The following CACNG4 variants were observed in gnomAD, a reference collection of about 807,000 sequenced individuals.
The protein encoded by CACNG4 is voltage-dependent calcium channel gamma-4 subunit.
Under a neutral mutation model 22.9 loss-of-function variants are expected in CACNG4, and 8 were observed. The ratio of observed to expected loss-of-function variants is 0.35; its 90% CI spans 0.21 to 0.63. The LOEUF (loss-of-function observed/expected upper bound fraction) is 0.63, where lower values mean the gene tolerates loss of function less well. CACNG4 is among the 30% of genes least tolerant of loss of function. CACNG4 has a pLI of 0.72. For missense variants in CACNG4, 357 were observed against 455.4 expected (o/e 0.78, Z 1.97); for synonymous variants, 188 against 191.9 (o/e 0.98, Z 0.17).
intron 1 of CACNG4, 113 bp downstream of exon 1, chr17:66,965,244 G>A: frequency 1.5e-6 from 1 of 663,846 alleles, no homozygotes; most frequent in South Asian, 2.3e-5. Context: ...ACTGCCCGGC[G>A]CGCGGGCCGG....
In CACNG4 at chr17:67,028,610, A is replaced by G. The variant is rs1251368952; in HGVS notation, c.446-1856A>G. ...AATGGATGGTAATTGAACTTACGTC[A>G]GGCGCCCTGTGTGCTGGGTGCTGTT... is the stretch of plus-strand genomic sequence containing the variant. On this transcript the variant is annotated intron_variant, in intron 3 of 3. Transcript: ENST00000262138. 2.0e-5 allele frequency among the ~76,000 whole-genome samples: 3 copies of G among 152,180 alleles called. No individual in the cohort carries two copies. In the East Asian group the frequency reaches 5.8e-4, roughly 29 times the overall value.
intron 2 of CACNG4, among the ~76,000 whole-genome samples, chr17:67,021,341 G>T (rs1365579350): frequency 6.6e-6 from 1 of 152,266 alleles, no homozygotes. Context: ...AGCTTCCATG[G>T]TGGGGCTGCC....
At chr17:67,006,972 C>T (rs1446245953) in intron 1 of CACNG4, among the ~76,000 whole-genome samples, 3 of 152,002 alleles carry the variant, frequency 2.0e-5, no homozygotes, top group East Asian at 1.9e-4. Flanking sequence ...GTCAGGAGTT[C>T]GAGACCAGCC....
intron 1 of CACNG4, among the ~76,000 whole-genome samples, chr17:67,004,533 GAA>G (rs1394967034): frequency 6.6e-6 from 1 of 152,088 alleles, no homozygotes; most frequent in African/African-American, 2.4e-5. Flanking sequence ...GGTCTCCAGG[GAA>G]CCCATGCTTA....
chr17:66,973,944 G>A (rs929739779), intron 1 of CACNG4, among the ~76,000 whole-genome samples: 4 of 152,204 alleles, frequency 2.6e-5, no homozygotes, highest in African/African-American at 4.8e-5. Context: ...GGCAGGACAT[G>A]GTACCAGACA....
chr17:66,997,689 C>G (rs536949053), intron 1 of CACNG4, among the ~76,000 whole-genome samples: 3 of 152,094 alleles, frequency 2.0e-5, no homozygotes, highest in African/African-American at 7.2e-5. Flanking sequence ...TGGTAGCACA[C>G]GGCTGTAATC....
intron 1 of CACNG4, among the ~76,000 whole-genome samples, chr17:67,009,502 G>T (rs969949796): frequency 2.8e-5 from 4 of 143,458 alleles, no homozygotes; most frequent in South Asian, 4.2e-4. Flanking sequence ...CTTTAAGAAG[G>T]GTACCTCCCT....
At chr17:66,970,217 G>A (rs2035195578) in intron 1 of CACNG4, among the ~76,000 whole-genome samples, 2 of 152,196 alleles carry the variant, frequency 1.3e-5, no homozygotes, top group African/African-American at 4.8e-5. Context: ...CACGGCCAAG[G>A]TGGAACATAG....
intron 1 of CACNG4, among the ~76,000 whole-genome samples, chr17:66,997,289 C>T (rs190258153): frequency 1.3e-5 from 2 of 152,200 alleles, no homozygotes; most frequent in Non-Finnish European, 2.9e-5. Flanking sequence ...CCAAGGTCGG[C>T]TGATGGATGA....
intron 1 of CACNG4, among the ~76,000 whole-genome samples, chr17:67,003,616 AT>A (rs566234392): frequency 6.6e-6 from 1 of 152,148 alleles, no homozygotes; most frequent in Non-Finnish European, 1.5e-5. Flanking sequence ...CATCCTGTGC[AT>A]TGTAGAATGT....
At chr17:66,966,788 A>G (rs1276833429) in intron 1 of CACNG4, among the ~76,000 whole-genome samples, 1 of 152,196 alleles carries the variant, frequency 6.6e-6, no homozygotes, top group Non-Finnish European at 1.5e-5. Flanking sequence ...CAGCCACACA[A>G]AAGAGCCAGT....
In CACNG4 at chr17:67,027,391, G is replaced by T. The variant is rs1455604119; in HGVS notation, c.445+2391G>T. On this transcript the variant is annotated intron_variant, in intron 3 of 3. Coordinates refer to ENST00000262138, the MANE Select transcript of CACNG4 (RefSeq NM_014405.4). The surrounding 1 kb of genome is among the most constrained non-coding windows in gnomAD (Gnocchi z 4.3). ...CTGGCTGCAAGGAAGCAATGGGGAG[G>T]CCAGCAAGGGGACATTGGCTTATTC... Among the ~76,000 whole-genome samples the T allele has an allele frequency of 6.6e-6, 1 of 152,234 alleles. No individual in the cohort carries two copies. Among genetic ancestry groups the T allele is most frequent in the Admixed American group, 6.5e-5 (1 of 15,288 alleles).
At position 67,030,341 on chromosome 17, in the gene CACNG4, A is replaced by G; in HGVS notation, c.446-125A>G. The stretch of plus-strand genomic sequence containing the variant: ...CTGAAAAGAAAAATTAGCAACCAGA[A>G]TAAAGAAATACTCATCAGAGAGGGG... On this transcript the variant is annotated intron_variant, in intron 3 of 3. Transcript: ENST00000262138. This position sits in a 1 kb window ranked among gnomAD's most constrained non-coding sequence, Gnocchi z 6.4. 1.3e-6 allele frequency: 1 copy of G among 792,842 alleles called. No homozygotes were observed. The highest frequency in any genetic ancestry group is 1.7e-5 in the African/African-American group (1 of 57,982). 49.1% of individuals were successfully genotyped at this position (792,842 alleles called of 1,614,324 possible).
chr17:66,989,757 T>C (rs962843782), intron 1 of CACNG4, among the ~76,000 whole-genome samples: 1 of 151,504 alleles, frequency 6.6e-6, no homozygotes, highest in African/African-American at 2.4e-5. Flanking sequence ...ACTCCCTTTG[T>C]AGGCTAAGAA....
At chr17:67,024,169 GT>G (rs2035549405) in intron 2 of CACNG4, among the ~76,000 whole-genome samples, 1 of 152,198 alleles carries the variant, frequency 6.6e-6, no homozygotes, top group South Asian at 2.1e-4. Context: ...CTTCAGGCCG[GT>G]TTTGAGGTCC....
chr17:67,005,885 G>A (rs2035434652), intron 1 of CACNG4, among the ~76,000 whole-genome samples: 1 of 152,192 alleles, frequency 6.6e-6, no homozygotes, highest in Non-Finnish European at 1.5e-5. Flanking sequence ...CACTATGGAA[G>A]CCATTATCTT....
At chr17:67,016,712 A>AC (rs1474036197) in intron 1 of CACNG4, among the ~76,000 whole-genome samples, 2 of 152,090 alleles carry the variant, frequency 1.3e-5, no homozygotes, top group Non-Finnish European at 2.9e-5. Flanking sequence ...AGGGGGGCTG[A>AC]CCCGGGGGAA....
At chr17:66,990,685 A>ATTTTCT (rs369531301) in intron 1 of CACNG4, among the ~76,000 whole-genome samples, 1 of 140,448 alleles carries the variant, frequency 7.1e-6, no homozygotes, top group African/African-American at 2.7e-5. Context: ...ATTTTATTTT[A>ATTTTCT]TTTATTTATT....
chr17:66,978,708 C>T (rs538425586), intron 1 of CACNG4, among the ~76,000 whole-genome samples: 59 of 152,352 alleles, frequency 3.9e-4, no homozygotes, highest in Non-Finnish European at 5.7e-4. Flanking sequence ...TTCCCCAGGG[C>T]GAGCACGCTG....
Sources: allele counts gnomAD v4.1 joint callset (sites outside exome capture counted in the v4.1 genomes callset), GRCh38; gene constraint gnomAD v4.1.1; non-coding constraint Gnocchi (gnomAD v3.1); transcripts MANE v1.5; gene names NCBI Gene and HGNC (gene_info 2026-07-23, HGNC 2026-07-21).